The following THOP1 variants were observed in gnomAD, a reference collection of about 807,000 sequenced individuals.
THOP1 encodes the protein thimet oligopeptidase 1, also known as thimet oligopeptidase.
Under a neutral mutation model 71.8 loss-of-function variants are expected in THOP1, and 49 were observed. The ratio of observed to expected loss-of-function variants is 0.68; its 90% CI spans 0.54 to 0.87. THOP1 has a LOEUF of 0.87. THOP1 is among the 40% of genes least tolerant of loss of function. THOP1 has a pLI of 0.00. For missense variants in THOP1, 843 were observed against 975.6 expected, an observed-to-expected ratio of 0.86 and a Z score of 1.81; for synonymous variants, 426 against 421.5, an observed-to-expected ratio of 1.01 and a Z score of -0.13.
Position 2,810,620 on chromosome 19 carries a change from T to G in THOP1, c.1643-20T>G. The G allele has an allele frequency of 6.5e-7, 1 of 1,547,008 alleles. No homozygotes were observed. Among genetic ancestry groups the G allele is most frequent in the South Asian group, 1.2e-5 (1 of 83,842 alleles). The stretch of plus-strand genomic sequence containing the variant: ...CCGGGGCAGGTGCAGAGGCCAGCTC[T>G]CTCCTTCCCTCCCGCCCAGGCCTCT... On this transcript the variant is annotated intron_variant, in intron 10 of 12. Transcript: ENST00000307741.
In THOP1 at chr19:2,814,659, G is replaced by C. The variant is rs536234132; in HGVS notation, c.*1383G>C. ...TGTCTTTCCAACTCTGGGGGCTAAG[G>C]GGTGAGTCTTGTCTTTGCAGAGCTG... On this transcript the variant is annotated 3_prime_UTR_variant, in exon 13 of 13. Coordinates refer to ENST00000307741, the MANE Select transcript of THOP1 (RefSeq NM_003249.5). The C allele has an allele frequency of 6.5e-6, 1 of 153,074 alleles. No individual in the cohort carries two copies. The highest frequency in any genetic ancestry group is 2.1e-4 in the South Asian group (1 of 4,852). The allele number at this position is 153,074 out of a possible 1,614,324, so 9.5% of individuals were successfully genotyped here. A position where few individuals can be genotyped will look rare whatever the true frequency, so the allele number is the denominator to read the frequency against.
intron 2 of THOP1, among the ~76,000 whole-genome samples, chr19:2,792,242 T>G (rs191034880): frequency 2.0e-5 from 3 of 152,354 alleles, no homozygotes; most frequent in Admixed American, 2.0e-4. Context: ...GTTGTTTTTT[T>G]GAGACAGGGT....
At chr19:2,786,449 GCT>G (rs1915744061) in intron 1 of THOP1, among the ~76,000 whole-genome samples, 1 of 151,982 alleles carries the variant, frequency 6.6e-6, no homozygotes, top group Admixed American at 6.6e-5. Context: ...TGTTGCCCAG[GCT>G]GGTCTTGAAG....
At chr19:2,792,096 C>T (rs1176138572) in intron 2 of THOP1, among the ~76,000 whole-genome samples, 3 of 152,238 alleles carry the variant, frequency 2.0e-5, no homozygotes, top group Non-Finnish European at 4.4e-5. Context: ...AGTCCCTGCA[C>T]GGTACTGACA....
At chr19:2,803,379 G>T (rs1294423481) in intron 5 of THOP1, among the ~76,000 whole-genome samples, 3 of 152,204 alleles carry the variant, frequency 2.0e-5, no homozygotes, top group African/African-American at 4.8e-5. Context: ...TGAGGCAGGG[G>T]GATTGCTTGA....
At chr19:2,802,872 T>C (rs1916188586) in intron 5 of THOP1, among the ~76,000 whole-genome samples, 1 of 152,270 alleles carries the variant, frequency 6.6e-6, no homozygotes. Context: ...TTATCATTCA[T>C]TATCATTTAT....
chr19:2,793,015 A>G (rs1915921610), intron 2 of THOP1, among the ~76,000 whole-genome samples: 1 of 152,090 alleles, frequency 6.6e-6, no homozygotes, highest in South Asian at 2.1e-4. Flanking sequence ...GTCTCTACTA[A>G]AAATACAAAA....
rs1445105645 is a variant in THOP1, at chr19:2,805,848, G to A, written c.750+672G>A. ...GGACGGGCGGGTGCCCATCACTGCG[G>A]GGGGACGGGCGGGTGCCCATCACTG... On this transcript the variant is annotated intron_variant, in intron 6 of 12. Transcript: ENST00000307741. The surrounding 1 kb of genome is among the most constrained non-coding windows in gnomAD (Gnocchi z 6.6). 6.8e-6 allele frequency among the ~76,000 whole-genome samples: 1 copy of A among 147,204 alleles called. No individual in the cohort carries two copies. Among genetic ancestry groups the A allele is most frequent in the Admixed American group, 6.8e-5 (1 of 14,606 alleles).
At chr19:2,786,399 C>G (rs1736194) in intron 1 of THOP1, among the ~76,000 whole-genome samples, 48,601 of 151,924 alleles carry the variant, frequency 0.32, 7,986 homozygotes, top group East Asian at 0.49. Context: ...GCCTGCACCA[C>G]CACACTTGGC....
In THOP1 at chr19:2,805,333, C is replaced by T. The variant is rs548597999; in HGVS notation, c.750+157C>T. Among the ~76,000 whole-genome samples, 14 of 152,334 alleles carry T rather than the reference C, an allele frequency of 9.2e-5. No homozygotes were observed. In the South Asian group the frequency reaches 2.5e-3, roughly 27 times the overall value. The stretch of plus-strand genomic sequence containing the variant: ...GGCCAGCAGAGGCCTCCCTGTGGGG[C>T]TCTGCCGTGCCCTGGAGGTGTCTGT... On this transcript the variant is annotated intron_variant, in intron 6 of 12. Transcript: ENST00000307741. The surrounding 1 kb of genome is among the most constrained non-coding windows in gnomAD (Gnocchi z 6.6).
rs1477827285 is a variant in THOP1, at chr19:2,799,727, C to T, written c.525C>T (p.Cys175=). The T allele has an allele frequency of 1.2e-6, 2 of 1,613,986 alleles. No individual in the cohort carries two copies. Among genetic ancestry groups the T allele is most frequent in the Non-Finnish European group, 1.7e-6 (2 of 1,179,976 alleles). Residue 175 remains cysteine (C), a synonymous_variant, in exon 5 of 13, where the codon TGC becomes TGT. Coordinates refer to ENST00000307741, the MANE Select transcript of THOP1 (RefSeq NM_003249.5). The stretch of plus-strand genomic sequence containing the variant: ...TCAAGAAGAAGCTGAGCCTTCTGTG[C>T]ATCGACTTCAACAAGAACCTGAACG... ...KRIKKKLSLL[C]IDFNKNLNED...
chr19:2,785,963 C>T (rs900856520), intron 1 of THOP1, among the ~76,000 whole-genome samples: 1 of 152,176 alleles, frequency 6.6e-6, no homozygotes, highest in Admixed American at 6.5e-5. Flanking sequence ...ACTCCAGTCC[C>T]GTTTTCCTGG....
chr19:2,793,873 C>A (rs562745543), intron 2 of THOP1, among the ~76,000 whole-genome samples: 24 of 152,080 alleles, frequency 1.6e-4, no homozygotes, highest in African/African-American at 5.3e-4. Flanking sequence ...GTGGATGGAC[C>A]TTTTGTCAAT....
chr19:2,811,779 TA>T, intron 12 of THOP1, 45 bp downstream of exon 12: 1 of 1,569,926 alleles, frequency 6.4e-7, no homozygotes, highest in African/African-American at 1.5e-5. Flanking sequence ...AACGGCAAGG[TA>T]CGCGGGGACT....
chr19:2,794,788 C>T lies in THOP1; in HGVS notation c.254C>T (p.Pro85Leu). The T allele has an allele frequency of 1.2e-6, 2 of 1,613,822 alleles. No individual in the cohort carries two copies. Among genetic ancestry groups the T allele is most frequent in the East Asian group, 2.2e-5 (1 of 44,886 alleles). Residue 85 changes from proline to leucine, a missense_variant, in exon 3 of 13, where the codon CCC (proline) becomes CTC (leucine). Pro to Leu is a moderately conservative substitution (Grantham distance 98, BLOSUM62 -3). Coordinates refer to ENST00000307741, the MANE Select transcript of THOP1 (RefSeq NM_003249.5). ...YTVQRNILDF[P>L]QHVSPSKDIR... is the part of the protein sequence containing the mutation. ...GTTCAGAGGAATATCCTTGACTTCC[C>T]CCAGCATGTTTCCCCCTCCAAGGAC...
chr19:2,796,855 G>T (rs967883679), intron 4 of THOP1, among the ~76,000 whole-genome samples: 1 of 152,206 alleles, frequency 6.6e-6, no homozygotes, highest in African/African-American at 2.4e-5. Flanking sequence ...CGGTAACGAG[G>T]GGAGCCCCTC....
At chr19:2,791,020 T>A (rs904624495) in intron 2 of THOP1, among the ~76,000 whole-genome samples, 2 of 152,212 alleles carry the variant, frequency 1.3e-5, no homozygotes, top group Admixed American at 6.5e-5. Flanking sequence ...CCTGACCCCG[T>A]CTGGCCTCTT....
At position 2,812,323 on chromosome 19, in the gene THOP1, G is replaced by C. The variant is rs1372092933; in HGVS notation, c.1908+589G>C. 4.6e-6 allele frequency: 7 copies of C among 1,535,284 alleles called. No individual in the cohort carries two copies. The Admixed American group carries it at 1.2e-4, about 26-fold the overall frequency. Reference sequence around the variant, plus strand: ...AGGAACAGGTGGCTACCAGCTTTGAGGGCCGGCCCTGCCCTGCCTGGGTGC... The same window carrying C: ...AGGAACAGGTGGCTACCAGCTTTGACGGCCGGCCCTGCCCTGCCTGGGTGC... On this transcript the variant is annotated intron_variant, in intron 12 of 12. Coordinates refer to ENST00000307741, the MANE Select transcript of THOP1 (RefSeq NM_003249.5).
intron 1 of THOP1, among the ~76,000 whole-genome samples, chr19:2,788,126 C>G (rs1305089859): frequency 6.6e-6 from 1 of 152,174 alleles, no homozygotes; most frequent in African/African-American, 2.4e-5. Context: ...TGGTGGTATT[C>G]AGGATACAAG....
Sources: gnomAD v4.1 joint callset for allele counts (sites outside exome capture counted in the v4.1 genomes callset) on GRCh38, gnomAD v4.1.1 for gene constraint, Gnocchi (gnomAD v3.1) non-coding constraint, MANE v1.5 for transcripts, NCBI Gene and HGNC (gene_info 2026-07-23, HGNC 2026-07-21) for gene names.